The following SCPEP1 variants were observed in gnomAD, a reference collection of about 807,000 sequenced individuals.
SCPEP1 encodes serine carboxypeptidase 1.
SCPEP1 carries 51 observed loss-of-function variants against 63.8 expected under a neutral mutation model. The observed-to-expected ratio is 0.80, with a 90% CI of 0.64 to 1.01. The LOEUF (loss-of-function observed/expected upper bound fraction) is 1.01. SCPEP1 is among the 50% of genes least tolerant of loss of function. The pLI is 0.00. For synonymous variants in SCPEP1, 204 were observed against 207.8 expected, an observed-to-expected ratio of 0.98 and a Z score of 0.16; for missense variants, 499 against 554.9, an observed-to-expected ratio of 0.90 and a Z score of 1.01.
chr17:56,985,031 A>AAAAGTG, intron 2 of SCPEP1: 1 of 271,124 alleles, frequency 3.7e-6, no homozygotes, highest in Non-Finnish European at 7.1e-6. Flanking sequence ...CTTGAACCCC[A>AAAAGTG]GAGGTAGAAG....
At chr17:56,979,176 T>A (rs1189225329) in intron 1 of SCPEP1, among the ~76,000 whole-genome samples, 3 of 152,212 alleles carry the variant, frequency 2.0e-5, no homozygotes, top group Non-Finnish European at 4.4e-5. Context: ...TTGTTTTGAG[T>A]CAGGGTCTCA....
chr17:56,979,562 G>A (rs1248424928), intron 1 of SCPEP1, among the ~76,000 whole-genome samples: 1 of 151,818 alleles, frequency 6.6e-6, no homozygotes, highest in African/African-American at 2.4e-5. Context: ...CAAAGAAAAT[G>A]TATTTAGCCT....
At chr17:56,985,593 G>A in intron 3 of SCPEP1, 126 bp downstream of exon 3, 1 of 709,558 alleles carries the variant, frequency 1.4e-6, no homozygotes, top group Non-Finnish European at 2.5e-6. Flanking sequence ...TGACTACTGA[G>A]GCCATGGGCA....
chr17:56,982,859 C>G (rs1911109510), intron 2 of SCPEP1: 1 of 152,076 alleles, frequency 6.6e-6, no homozygotes, highest in South Asian at 2.1e-4. Context: ...GAATAAATTG[C>G]TCTTCACTTA....
intron 3 of SCPEP1, among the ~76,000 whole-genome samples, chr17:56,986,527 T>A (rs1458614362): frequency 6.8e-6 from 1 of 147,140 alleles, no homozygotes; most frequent in African/African-American, 2.6e-5. Flanking sequence ...CACTTTCTGG[T>A]CTTTCTTTGT....
intron 12 of SCPEP1, among the ~76,000 whole-genome samples, chr17:57,005,228 C>T (rs1031451239): frequency 1.3e-5 from 2 of 152,132 alleles, no homozygotes; most frequent in Admixed American, 6.5e-5. Context: ...TTTGGATTTT[C>T]CAATGAGGGA....
intron 6 of SCPEP1, among the ~76,000 whole-genome samples, chr17:56,993,635 T>C (rs1279611400): frequency 6.6e-6 from 1 of 152,118 alleles, no homozygotes; most frequent in Non-Finnish European, 1.5e-5. Flanking sequence ...TTAGTAGAGA[T>C]GGGGTTTCAC....
intron 3 of SCPEP1, 57 bp downstream of exon 3, chr17:56,985,524 C>A: frequency 7.5e-7 from 1 of 1,327,042 alleles, no homozygotes; most frequent in Non-Finnish European, 1.1e-6. Flanking sequence ...AGAGGCCCTG[C>A]CCAACTCTGG....
At position 56,978,165 on chromosome 17, in the gene SCPEP1, G is replaced by T. The variant is rs770636662; in HGVS notation, c.6G>T (p.Glu2Asp). Residue 2 changes from glutamate (E) to aspartate (D), a missense_variant, in exon 1 of 13, where the codon GAG (glutamate) becomes GAT (aspartate). Transcript: ENST00000262288. M[E>D]LALRRSPVPR... ...GCTGCCGTGCGGTACTTGTCATGGA[G>T]CTGGCACTGCGGCGCTCTCCCGTCC... The T allele has an allele frequency of 6.9e-7, 1 of 1,458,396 alleles. No homozygotes were observed. Among genetic ancestry groups the T allele is most frequent in the South Asian group, 1.2e-5 (1 of 85,872 alleles). The allele number at this position is 1,458,396 out of a possible 1,614,324, so 90.3% of individuals were successfully genotyped here.
intron 5 of SCPEP1, among the ~76,000 whole-genome samples, chr17:56,989,525 A>G (rs1313019159): frequency 1.3e-5 from 2 of 152,256 alleles, no homozygotes; most frequent in East Asian, 1.9e-4. Context: ...TGTATATGTC[A>G]GAGAATGTTT....
rs748112465 is a variant in SCPEP1, at chr17:56,981,194, G to T, written c.189G>T (p.Lys63Asn). Reference sequence around the variant, plus strand: ...TCTATTATGCCACCAACTCCTGCAAGAACTTCTCAGAACTGCCCCTGGTCA... The same window carrying T: ...TCTATTATGCCACCAACTCCTGCAATAACTTCTCAGAACTGCCCCTGGTCA... ...WWLYYATNSC[K>N]NFSELPLVMW... Residue 63 changes from lysine (K) to asparagine (N), a missense_variant, in exon 2 of 13, where the codon AAG becomes AAT. Transcript: ENST00000262288. 33 of 1,614,182 alleles carry T rather than the reference G, an allele frequency of 2.0e-5. No homozygotes were observed. In the South Asian group the frequency reaches 2.1e-4, roughly 10 times the overall value.
chr17:56,998,512 C>T lies in SCPEP1; in HGVS notation c.994+14C>T, dbSNP rs188821511. 236 of 1,561,000 alleles carry T rather than the reference C, an allele frequency of 1.5e-4. No homozygotes were observed. The African/African-American group carries it at 2.6e-3, about 17-fold the overall frequency. The stretch of plus-strand genomic sequence containing the variant: ...AATCCTGGGGAGGTACTTATATGAC[C>T]TAATTAAGTGCCGTTTGTACAGTTA... On this transcript the variant is annotated intron_variant, in intron 10 of 12. Coordinates refer to ENST00000262288, the MANE Select transcript of SCPEP1 (RefSeq NM_021626.3).
chr17:56,991,125 C>T lies in SCPEP1; in HGVS notation c.573C>T (p.Cys191=), dbSNP rs779136521. The T allele has an allele frequency of 6.2e-7, 1 of 1,614,034 alleles. No individual in the cohort carries two copies. Among genetic ancestry groups the T allele is most frequent in the East Asian group, 2.2e-5 (1 of 44,876 alleles). Residue 191 remains cysteine, a synonymous_variant, in exon 6 of 13, where the codon TGC becomes TGT. Transcript: ENST00000262288. ...YKAIQRGTIK[C]NFAGVALGDS... ...CCATTCAGCGAGGGACCATCAAGTGCAACTTTGCGGGGGTTGCCTTGGGTG... is the reference window on the plus strand; with the variant it reads ...CCATTCAGCGAGGGACCATCAAGTGTAACTTTGCGGGGGTTGCCTTGGGTG...
At chr17:56,981,486 A>G (rs1911066887) in intron 2 of SCPEP1, among the ~76,000 whole-genome samples, 1 of 152,030 alleles carries the variant, frequency 6.6e-6, no homozygotes, top group South Asian at 2.1e-4. Flanking sequence ...GCTCACTGAA[A>G]ACTCCTGATG....
rs1374913622 is a variant in SCPEP1 at position 57,002,158 on chromosome 17, T to TG, written c.1275dup (p.Ile426AspfsTer11). ...GTCCTACAAGAACCTTGCTTTCTACTGGATTCTGAAAGCTGGTCATATGGT... is the reference window on the plus strand; with the variant it reads ...GTCCTACAAGAACCTTGCTTTCTACTGGGATTCTGAAAGCTGGTCATATGGT... On this transcript the variant is annotated frameshift_variant, in exon 12 of 13. Coordinates refer to ENST00000262288, the MANE Select transcript of SCPEP1 (RefSeq NM_021626.3). LOFTEE classifies it high-confidence loss of function. 1.2e-6 allele frequency: 2 copies of TG among 1,613,860 alleles called. No homozygotes were observed. The highest frequency in any genetic ancestry group is 1.7e-6 in the Non-Finnish European group (2 of 1,179,930).
Position 56,994,914 on chromosome 17 carries a change from A to G in SCPEP1, c.620-67A>G, listed in dbSNP as rs151035266. ...TCTCTTTCTTCTTTAGAGAGAAGAC[A>G]GTAGGTTTGTCTTTGGAAAGACAGA... On this transcript the variant is annotated intron_variant, in intron 6 of 12. Transcript: ENST00000262288. 4 of 1,365,534 alleles carry G rather than the reference A, an allele frequency of 2.9e-6. No individual in the cohort carries two copies. In the African/African-American group the frequency reaches 5.7e-5, roughly 20 times the overall value. 84.6% of individuals were successfully genotyped at this position (1,365,534 alleles called of 1,614,324 possible).
intron 8 of SCPEP1, 41 bp from the exon 9 acceptor site, chr17:56,996,921 G>A: frequency 7.0e-7 from 1 of 1,419,632 alleles, no homozygotes; most frequent in Non-Finnish European, 9.8e-7. Context: ...TTTGATGATA[G>A]GAAAATGAAA....
At position 57,002,026 on chromosome 17, in the gene SCPEP1, G is replaced by T. The variant is rs756719658; in HGVS notation, c.1141G>T (p.Ala381Ser). 8 of 1,613,982 alleles carry T rather than the reference G, an allele frequency of 5.0e-6. No individual in the cohort carries two copies. In the Admixed American group the frequency reaches 6.7e-5, roughly 13 times the overall value. Reference sequence around the variant, plus strand: ...TTTGTCCTTCTCACCAGGTCAGGAGGCCTGGGTGCGGAAACTGAAGTGGCC... The same window carrying T: ...TTTGTCCTTCTCACCAGGTCAGGAGTCCTGGGTGCGGAAACTGAAGTGGCC... The part of the protein sequence containing the change: ...DLIVDTMGQE[A>S]WVRKLKWPEL... Residue 381 changes from alanine to serine, a missense_variant, in exon 12 of 13, where the codon GCC (alanine) becomes TCC (serine). Ala to Ser is a moderately conservative substitution (Grantham distance 99). Transcript: ENST00000262288.
Position 56,981,017 on chromosome 17 carries a change from C to G in SCPEP1, c.77-65C>G. 6 of 1,570,934 alleles carry G rather than the reference C, an allele frequency of 3.8e-6. No homozygotes were observed. In the South Asian group the frequency reaches 4.5e-5, roughly 12 times the overall value. On this transcript the variant is annotated intron_variant, in intron 1 of 12. Coordinates refer to ENST00000262288, the MANE Select transcript of SCPEP1 (RefSeq NM_021626.3). ...TCTAGCCTAGCATGGCTGTCTCTAC[C>G]AGGCTTGGAATTTACCTGTACATTA...
Sources: allele counts gnomAD v4.1 joint callset (sites outside exome capture counted in the v4.1 genomes callset), GRCh38; gene constraint gnomAD v4.1.1; transcripts MANE v1.5; gene names NCBI Gene and HGNC (gene_info 2026-07-23, HGNC 2026-07-21).